The following MAN1C1 variants were observed in gnomAD, a reference collection of about 807,000 sequenced individuals.
The protein encoded by MAN1C1 is mannosyl-oligosaccharide 1,2-alpha-mannosidase IC.
Under a neutral mutation model 71.5 loss-of-function variants are expected in MAN1C1, and 49 were observed. The observed-to-expected ratio is 0.69, with a 90% CI of 0.54 to 0.87. The LOEUF (loss-of-function observed/expected upper bound fraction) is 0.87, where lower values mean the gene tolerates loss of function less well. Ranked by LOEUF, MAN1C1 falls within the 40% of genes least tolerant of loss-of-function variation. The probability of loss-of-function intolerance (pLI) is 0.00; values close to 1 mark genes in which losing one functional copy is unlikely to be tolerated. For synonymous variants in MAN1C1, 352 were observed against 343.7 expected, an observed-to-expected ratio of 1.02 and a Z score of -0.27; for missense variants, 743 against 835.0, an observed-to-expected ratio of 0.89 and a Z score of 1.36.
intron 6 of MAN1C1, chr1:25,761,177 C>T (rs1017012172): frequency 8.5e-5 from 13 of 152,072 alleles, no homozygotes; most frequent in African/African-American, 2.9e-4. Flanking sequence ...ACGGATCTGG[C>T]TCAAAGGAAC....
intron 1 of MAN1C1, among the ~76,000 whole-genome samples, chr1:25,635,268 GT>G (rs1016916927): frequency 7.9e-5 from 12 of 151,872 alleles, no homozygotes; most frequent in African/African-American, 2.9e-4. Context: ...AAGCCAAGAA[GT>G]TTTTTTGGGG....
rs771407993 is a variant in MAN1C1, at chr1:25,753,479, T to TACA, written c.835-4_835-2dup. ...TCAAAAGCCCTTTGATCCCCTCCTT[T>TACA]ACAGGTGTTCCGAATAAAGGCCATC... On this transcript the variant is annotated splice_polypyrimidine_tract_variant and splice_region_variant and intron_variant, in intron 4 of 11. Coordinates refer to ENST00000374332, the MANE Select transcript of MAN1C1 (RefSeq NM_020379.4). The surrounding 1 kb of genome is among the most constrained non-coding windows in gnomAD (Gnocchi z 4.9). 1.2e-6 allele frequency: 2 copies of TACA among 1,612,302 alleles called. No homozygotes were observed. Among genetic ancestry groups the TACA allele is most frequent in the African/African-American group, 2.7e-5 (2 of 75,016 alleles).
intron 7 of MAN1C1, 54 bp from the exon 8 acceptor site, chr1:25,771,603 C>A (rs997695029): frequency 5.9e-5 from 84 of 1,419,392 alleles, no homozygotes; most frequent in Non-Finnish European, 6.9e-5. Context: ...GGCCCTGCCC[C>A]GTGAGAGCCG....
chr1:25,630,112 A>G (rs553931654), intron 1 of MAN1C1, among the ~76,000 whole-genome samples: 1 of 152,220 alleles, frequency 6.6e-6, no homozygotes, highest in African/African-American at 2.4e-5. Flanking sequence ...ATGTGTGGCT[A>G]GCCAGTTTTC....
At chr1:25,658,531 A>T (rs1189328724) in intron 1 of MAN1C1, among the ~76,000 whole-genome samples, 1 of 151,876 alleles carries the variant, frequency 6.6e-6, no homozygotes, top group Non-Finnish European at 1.5e-5. Flanking sequence ...GCTCACTGCA[A>T]CCTCTGCCTC....
chr1:25,754,034 T>A (rs888455346), intron 5 of MAN1C1, among the ~76,000 whole-genome samples: 31 of 151,798 alleles, frequency 2.0e-4, no homozygotes. Context: ...CACGAGGAGG[T>A]CCCTGAAGCT....
chr1:25,635,097 G>C (rs59398478), intron 1 of MAN1C1, among the ~76,000 whole-genome samples: 13,505 of 152,052 alleles, frequency 0.089, 1,344 homozygotes, highest in East Asian at 0.22. Context: ...AACTCCTGGG[G>C]TCAAGTGATC....
intron 1 of MAN1C1, among the ~76,000 whole-genome samples, chr1:25,621,585 A>G (rs978735019): frequency 3.3e-5 from 5 of 151,852 alleles, no homozygotes; most frequent in Non-Finnish European, 7.4e-5. Context: ...CCTACCCATG[A>G]TGCTTGGTTG....
intron 4 of MAN1C1, among the ~76,000 whole-genome samples, chr1:25,751,811 G>A (rs2047220347): frequency 6.6e-6 from 1 of 152,170 alleles, no homozygotes; most frequent in South Asian, 2.1e-4. Flanking sequence ...GTTGTGTTGG[G>A]CCTGACTCCT....
rs766700481 is a variant in MAN1C1, at chr1:25,686,548, C to G, written c.637+12C>G. The G allele has an allele frequency of 3.0e-5, 48 of 1,612,496 alleles. No homozygotes were observed. The highest frequency in any genetic ancestry group is 6.7e-5 in the Admixed American group (4 of 59,982). ...GGGTAACATGTTCGGTGAGTCGATT[C>G]AAACCACTTTGATATTGGGAGGGAC... On this transcript the variant is annotated intron_variant, in intron 2 of 11. Transcript: ENST00000374332.
intron 1 of MAN1C1, among the ~76,000 whole-genome samples, chr1:25,671,261 G>A (rs564252760): frequency 5.3e-5 from 8 of 152,276 alleles, no homozygotes; most frequent in African/African-American, 1.7e-4. Context: ...ATAAGGATAC[G>A]GGCTGGCATA....
At chr1:25,747,959 G>A (rs573749126) in intron 3 of MAN1C1, among the ~76,000 whole-genome samples, 5 of 152,278 alleles carry the variant, frequency 3.3e-5, no homozygotes, top group African/African-American at 9.6e-5. Flanking sequence ...ATGATTTTGA[G>A]GCTTGTTGAC....
At chr1:25,683,180 G>A (rs531583034) in intron 1 of MAN1C1, among the ~76,000 whole-genome samples, 2 of 152,260 alleles carry the variant, frequency 1.3e-5, no homozygotes, top group African/African-American at 4.8e-5. Flanking sequence ...GTTCCAGAGT[G>A]AAAACATTAG....
chr1:25,701,885 CCT>C (rs2046448881), intron 2 of MAN1C1, among the ~76,000 whole-genome samples: 1 of 152,086 alleles, frequency 6.6e-6, no homozygotes, highest in Non-Finnish European at 1.5e-5. Flanking sequence ...CATGGAGAAA[CCT>C]TAACTCTGCT....
intron 8 of MAN1C1, among the ~76,000 whole-genome samples, chr1:25,773,336 C>G (rs578192240): frequency 2.6e-5 from 4 of 152,332 alleles, no homozygotes; most frequent in African/African-American, 9.6e-5. Flanking sequence ...CCTCTGATCA[C>G]AGGAATCTGG....
intron 2 of MAN1C1, among the ~76,000 whole-genome samples, chr1:25,689,857 G>A (rs2046283172): frequency 1.3e-5 from 2 of 152,218 alleles, no homozygotes; most frequent in African/African-American, 4.8e-5. Flanking sequence ...GCCTCCTGGT[G>A]CTCGGCTTGG....
chr1:25,781,019 C>T lies in MAN1C1; in HGVS notation c.1557C>T (p.Tyr519=). 1 of 1,614,186 alleles carries T rather than the reference C, an allele frequency of 6.2e-7. No individual in the cohort carries two copies. The highest frequency in any genetic ancestry group is 8.5e-7 in the Non-Finnish European group (1 of 1,180,042). The change falls in exon 10 of 12, where the codon TAC becomes TAT. Residue 519 remains tyrosine (Y), a synonymous_variant. Coordinates refer to ENST00000374332, the MANE Select transcript of MAN1C1 (RefSeq NM_020379.4). ...CCACCCAGCTGAGCGAGAGCTACTA[C>T]ATCCTCCGGCCAGAGGTGGTGGAGA... is the stretch of plus-strand genomic sequence containing the variant. ...AVATQLSESY[Y]ILRPEVVESY...
chr1:25,700,148 T>C (rs1240421514), intron 2 of MAN1C1, among the ~76,000 whole-genome samples: 2 of 152,202 alleles, frequency 1.3e-5, no homozygotes, highest in Admixed American at 1.3e-4. Flanking sequence ...GTTTTTGTTT[T>C]TAATGACTGG....
chr1:25,619,869 C>A (rs1395952119), intron 1 of MAN1C1, among the ~76,000 whole-genome samples: 1 of 152,194 alleles, frequency 6.6e-6, no homozygotes, highest in Non-Finnish European at 1.5e-5. Context: ...AGGGCAGTGA[C>A]CCCCAGTGAA....
Sources: allele counts gnomAD v4.1 joint callset (sites outside exome capture counted in the v4.1 genomes callset), GRCh38; gene constraint gnomAD v4.1.1; non-coding constraint Gnocchi (gnomAD v3.1); transcripts MANE v1.5; gene names NCBI Gene and HGNC (gene_info 2026-07-23, HGNC 2026-07-21).